KIF1A: variants seen among roughly 807,000 people sequenced by gnomAD.
KIF1A encodes the protein kinesin-like protein KIF1A.
KIF1A carries 46 observed loss-of-function variants against 227.3 expected under a neutral mutation model. The observed-to-expected ratio is 0.20, with a 90% CI of 0.16 to 0.26. KIF1A has a LOEUF of 0.26. Ranked by LOEUF, KIF1A falls within the 10% of genes least tolerant of loss-of-function variation. KIF1A has a pLI of 1.00. For missense variants in KIF1A, 1,683 were observed against 2,485.9 expected, an observed-to-expected ratio of 0.68 and a Z score of 6.87; for synonymous variants, 1,022 against 1,012.8, an observed-to-expected ratio of 1.01 and a Z score of -0.17.
chr2:240,774,096 A>C, intron 12 of KIF1A, 87 bp downstream of exon 12: 4 of 816,622 alleles, frequency 4.9e-6, no homozygotes, highest in Non-Finnish European at 8.1e-6. Context: ...GCCCCTGGTC[A>C]CTGGTGCTTC....
intron 4 of KIF1A, among the ~76,000 whole-genome samples, 185 bp from the exon 5 acceptor site, chr2:240,787,501 C>T (rs1277322441): frequency 1.3e-5 from 2 of 152,188 alleles, no homozygotes; most frequent in Non-Finnish European, 2.9e-5. Flanking sequence ...CCAGTGTCTC[C>T]CTCTTAACTC....
intron 37 of KIF1A, among the ~76,000 whole-genome samples, chr2:240,738,541 A>G (rs1162699955): frequency 6.6e-6 from 1 of 152,190 alleles, no homozygotes; most frequent in African/African-American, 2.4e-5. Flanking sequence ...TGCTCCCCAG[A>G]AAGTGACTTG....
chr2:240,726,612 C>G lies in KIF1A; in HGVS notation c.4122+214G>C, dbSNP rs1054544682. ...CAAGAGTGAGACTCGGTCTCAAAAACAAAAAAAAAACAGCACATGGATTTA... is the reference window on the plus strand; with the variant it reads ...CAAGAGTGAGACTCGGTCTCAAAAAGAAAAAAAAAACAGCACATGGATTTA... On this transcript the variant is annotated intron_variant, in intron 39 of 48. Transcript: ENST00000498729. This position sits in a 1 kb window ranked among gnomAD's most constrained non-coding sequence, Gnocchi z 5.2. Among the ~76,000 whole-genome samples, 47 of 146,866 alleles carry G rather than the reference C, an allele frequency of 3.2e-4. No individual in the cohort carries two copies. The highest frequency in any genetic ancestry group is 1.1e-3 in the African/African-American group (45 of 40,114).
At chr2:240,801,434 A>C (rs1035560203) in intron 1 of KIF1A, among the ~76,000 whole-genome samples, 8 of 152,244 alleles carry the variant, frequency 5.3e-5, no homozygotes, top group Non-Finnish European at 1.0e-4. Context: ...AGAAATATAG[A>C]AAATTTAAAA....
chr2:240,747,317 A>G lies in KIF1A; in HGVS notation c.2982T>C (p.Asp994=). The change falls in exon 29 of 49, where the codon GAT becomes GAC. Residue 994 remains aspartate (D), a synonymous_variant. Transcript: ENST00000498729. The part of the protein sequence containing the change: ...LRVAVQAISA[D]EEAPDYGSGV... ...CAGAGCCATAATCAGGGGCCTCTTCATCGGCTGCAGGAGAAACAGAGCAAA... is the reference window on the plus strand; with the variant it reads ...CAGAGCCATAATCAGGGGCCTCTTCGTCGGCTGCAGGAGAAACAGAGCAAA... 1 of 1,612,922 alleles carries G rather than the reference A, an allele frequency of 6.2e-7. No homozygotes were observed. Among genetic ancestry groups the G allele is most frequent in the Non-Finnish European group, 8.5e-7 (1 of 1,179,260 alleles).
At chr2:240,719,705 C>T in intron 46 of KIF1A, 69 bp downstream of exon 46, 1 of 1,430,482 alleles carries the variant, frequency 7.0e-7, no homozygotes, top group South Asian at 1.5e-5. Context: ...GTATGGGGAG[C>T]AGGGTGGCCT....
chr2:240,746,111 T>A lies in KIF1A; in HGVS notation c.3130A>T (p.Ile1044Phe). 2 of 1,581,686 alleles carry A rather than the reference T, an allele frequency of 1.3e-6. No homozygotes were observed. The highest frequency in any genetic ancestry group is 1.7e-6 in the Non-Finnish European group (2 of 1,164,416). The change falls in exon 30 of 49, where the codon ATC becomes TTC. Residue 1044 changes from isoleucine to phenylalanine, a missense_variant. Physicochemically the swap from Ile to Phe is conservative, Grantham distance 21 (BLOSUM62 0). Around this residue, in one of 12 missense-constraint regions of KIF1A, gnomAD observed 759 missense variants for 1,020.2 expected, o/e 0.74. Transcript: ENST00000498729. ...RSGTSQEELR[I>F]VEGQGQGADV... ...GCACCCTGGCCCTGGCCCTCCACGA[T>A]GCGAAGCTCTTCCTGGGAGGTTCCC...
intron 42 of KIF1A, 54 bp downstream of exon 42, chr2:240,723,359 C>T (rs1273724982): frequency 6.8e-7 from 1 of 1,480,486 alleles, no homozygotes; most frequent in Non-Finnish European, 9.1e-7. Context: ...TTGCTCTGCA[C>T]ACAAAGCCAC....
At chr2:240,767,382 G>A (rs373942944) in intron 17 of KIF1A, 37 bp from the exon 18 acceptor site, 10 of 1,554,216 alleles carry the variant, frequency 6.4e-6, no homozygotes, top group Non-Finnish European at 8.0e-6. Flanking sequence ...TCTTGCAGAG[G>A]GGCAGGAGCC....
At position 240,761,356 on chromosome 2, in the gene KIF1A, C is replaced by T. The variant is rs763443113; in HGVS notation, c.2138G>A (p.Cys713Tyr). 7 of 1,610,958 alleles carry T rather than the reference C, an allele frequency of 4.3e-6. No homozygotes were observed. The Admixed American group carries it at 1.2e-4, about 27-fold the overall frequency. Reference protein sequence around the residue: ...EDEVQWTERECELALWAFRKW... With the variant: ...EDEVQWTEREYELALWAFRKW... ...CCGGAAGGCCCAGAGCGCCAGCTCA[C>T]ACTCCCGCTCTGTCCACTGGACTGT... is the stretch of plus-strand genomic sequence containing the variant. Residue 713 changes from cysteine (C) to tyrosine (Y), a missense_variant, in exon 24 of 49, where the codon TGT (cysteine) becomes TAT (tyrosine). Cys to Tyr is a radical substitution (Grantham distance 194). Coordinates refer to ENST00000498729, the MANE Select transcript of KIF1A (RefSeq NM_001244008.2).
At position 240,816,149 on chromosome 2, in the gene KIF1A, A is replaced by AGTGTAT. The variant is rs2058298478; in HGVS notation, c.-61+3972_-61+3973insATACAC. On this transcript the variant is annotated intron_variant, in intron 1 of 48. Coordinates refer to ENST00000498729, the MANE Select transcript of KIF1A (RefSeq NM_001244008.2). ...ACAAAGACAGGGACAAGGGATGCAG[A>AGTGTAT]GTGTGTGTGTGTGTGTGTGTCTATC... 5.3e-5 allele frequency among the ~76,000 whole-genome samples: 8 copies of AGTGTAT among 150,514 alleles called. No homozygotes were observed. The South Asian group carries it at 1.7e-3, about 32-fold the overall frequency.
Position 240,739,200 on chromosome 2 carries a change from G to A in KIF1A, c.3901+858C>T, listed in dbSNP as rs568274744. 4.1e-4 allele frequency among the ~76,000 whole-genome samples: 62 copies of A among 152,336 alleles called. No individual in the cohort carries two copies. Among genetic ancestry groups the A allele is most frequent in the South Asian group, 2.1e-3 (10 of 4,822 alleles). On this transcript the variant is annotated intron_variant, in intron 37 of 48. Coordinates refer to ENST00000498729, the MANE Select transcript of KIF1A (RefSeq NM_001244008.2). The surrounding 1 kb of genome is among the most constrained non-coding windows in gnomAD (Gnocchi z 5.6). ...GTGACCTTGAGCAGCCACCCAGCCC[G>A]GCCATGGCAATGTCTGGGGCAAGGC...
In KIF1A at chr2:240,758,243, G is replaced by T; in HGVS notation, c.2582+117C>A. The T allele has an allele frequency of 8.5e-7, 1 of 1,177,306 alleles. No individual in the cohort carries two copies. The highest frequency in any genetic ancestry group is 1.2e-6 in the Non-Finnish European group (1 of 860,214). The allele number at this position is 1,177,306 out of a possible 1,614,324, so 72.9% of individuals were successfully genotyped here. On this transcript the variant is annotated intron_variant, in intron 26 of 48. Transcript: ENST00000498729. The surrounding 1 kb of genome is among the most constrained non-coding windows in gnomAD (Gnocchi z 5.2). The stretch of plus-strand genomic sequence containing the variant: ...GGGAGGACAGGGCTGGGAATATGGG[G>T]CTGGAAAAGCACTTGTCAGGGCCGC...
chr2:240,819,777 G>A lies in KIF1A; in HGVS notation c.-61+345C>T, dbSNP rs533077267. Among the ~76,000 whole-genome samples the A allele has an allele frequency of 7.3e-3, 1,113 of 152,210 alleles. 13 individuals are homozygous for A. The highest frequency in any genetic ancestry group is 0.024 in the African/African-American group (1,001 of 41,550). ...GCGGAATAGCCGGGGAAGGGCGGGG[G>A]TATCCCGATCCCGCCGGCCGGGCGA... On this transcript the variant is annotated intron_variant, in intron 1 of 48. Coordinates refer to ENST00000498729, the MANE Select transcript of KIF1A (RefSeq NM_001244008.2).
At position 240,788,360 on chromosome 2, in the gene KIF1A, G is replaced by A; in HGVS notation, c.184-130C>T. On this transcript the variant is annotated intron_variant, in intron 3 of 48. Coordinates refer to ENST00000498729, the MANE Select transcript of KIF1A (RefSeq NM_001244008.2). The surrounding 1 kb of genome is among the most constrained non-coding windows in gnomAD (Gnocchi z 6.6). ...GGCAGCACAGTGGGGAGGGATGCCT[G>A]CCCCCCATCCTACTCCTGCCTTGTG... The A allele has an allele frequency of 6.4e-6, 5 of 781,226 alleles. No individual in the cohort carries two copies. The highest frequency in any genetic ancestry group is 3.1e-5 in the South Asian group (2 of 64,636). The allele number at this position is 781,226 out of a possible 1,614,324, so 48.4% of individuals were successfully genotyped here. A position where few individuals can be genotyped will look rare whatever the true frequency, so the allele number is the denominator to read the frequency against.
Position 240,725,636 on chromosome 2 carries a change from G to A in KIF1A, c.4123-232C>T. The A allele has an allele frequency of 1.9e-6, 1 of 533,298 alleles. No individual in the cohort carries two copies. Among genetic ancestry groups the A allele is most frequent in the Admixed American group, 3.4e-5 (1 of 29,716 alleles). 33.0% of individuals were successfully genotyped at this position (533,298 alleles called of 1,614,324 possible). The stretch of plus-strand genomic sequence containing the variant: ...CTGTCCACCCCTGGGCTGCCTGAGG[G>A]ACTGGTCTCCATGTGTGGGGACCCC... On this transcript the variant is annotated intron_variant, in intron 39 of 48. Transcript: ENST00000498729. This position sits in a 1 kb window ranked among gnomAD's most constrained non-coding sequence, Gnocchi z 5.8.
chr2:240,799,768 G>A (rs1259734492), intron 1 of KIF1A, among the ~76,000 whole-genome samples: 1 of 152,148 alleles, frequency 6.6e-6, no homozygotes, highest in East Asian at 1.9e-4. Flanking sequence ...AGCACGCCCT[G>A]GGCCTTTAAG....
At chr2:240,723,701 C>A in intron 41 of KIF1A, 143 bp from the exon 42 acceptor site, 2 of 1,032,736 alleles carry the variant, frequency 1.9e-6, no homozygotes, top group Non-Finnish European at 2.8e-6. Flanking sequence ...ACCCTGGGGC[C>A]CAAAGAGCCA....
At chr2:240,773,649 T>C (rs2052320608) in intron 12 of KIF1A, among the ~76,000 whole-genome samples, 1 of 152,190 alleles carries the variant, frequency 6.6e-6, no homozygotes, top group Non-Finnish European at 1.5e-5. Flanking sequence ...TACCAGCCGA[T>C]GCACATGTCT....
Sources: allele counts gnomAD v4.1 joint callset (sites outside exome capture counted in the v4.1 genomes callset), GRCh38; gene constraint gnomAD v4.1.1; regional missense constraint gnomAD v4.1.1; non-coding constraint Gnocchi (gnomAD v3.1); transcripts MANE v1.5; gene names NCBI Gene and HGNC (gene_info 2026-07-23, HGNC 2026-07-21).